The following TMEFF2 variants were observed in gnomAD, a reference collection of about 807,000 sequenced individuals.
TMEFF2 encodes transmembrane protein with EGF like and two follistatin like domains 2, also known as tomoregulin-2.
Under a neutral mutation model 53.8 loss-of-function variants are expected in TMEFF2, and 28 were observed. The ratio of observed to expected loss-of-function variants is 0.52; its 90% CI spans 0.39 to 0.71. TMEFF2 has a LOEUF of 0.71. Ranked by LOEUF, TMEFF2 falls within the 30% of genes least tolerant of loss-of-function variation. The probability of loss-of-function intolerance (pLI) is 0.00; values close to 1 mark genes in which losing one functional copy is unlikely to be tolerated. For synonymous variants in TMEFF2, 162 were observed against 166.3 expected (o/e 0.97, Z 0.20); for missense variants, 353 against 455.2 (o/e 0.78, Z 2.04).
At chr2:191,989,798 C>T (rs1686059762) in intron 7 of TMEFF2, among the ~76,000 whole-genome samples, 1 of 152,200 alleles carries the variant, frequency 6.6e-6, no homozygotes, top group Non-Finnish European at 1.5e-5. Context: ...TTCTCTGCCC[C>T]CCAACTTCCA....
chr2:191,997,038 T>C (rs1686239490), intron 7 of TMEFF2, among the ~76,000 whole-genome samples: 1 of 151,960 alleles, frequency 6.6e-6, no homozygotes, highest in Admixed American at 6.6e-5. Flanking sequence ...ATAAGAGCTG[T>C]GAGAAGTTCT....
At chr2:191,977,752 CTT>C (rs1482557322) in intron 7 of TMEFF2, among the ~76,000 whole-genome samples, 1 of 152,124 alleles carries the variant, frequency 6.6e-6, no homozygotes, top group Non-Finnish European at 1.5e-5. Context: ...TATCTCATCT[CTT>C]AGAAACAGAG....
intron 4 of TMEFF2, among the ~76,000 whole-genome samples, chr2:192,159,172 G>A (rs752169005): frequency 2.0e-5 from 3 of 152,076 alleles, no homozygotes; most frequent in Non-Finnish European, 2.9e-5. Flanking sequence ...ATGGGGAATC[G>A]CAGGCACAAT....
chr2:192,103,788 G>A (rs1486088616), intron 4 of TMEFF2, among the ~76,000 whole-genome samples: 1 of 151,908 alleles, frequency 6.6e-6, no homozygotes, highest in East Asian at 1.9e-4. Flanking sequence ...GTATGTCTTT[G>A]TTTTATATGC....
chr2:192,154,735 T>C (rs1395234734), intron 4 of TMEFF2, among the ~76,000 whole-genome samples: 1 of 151,952 alleles, frequency 6.6e-6, no homozygotes, highest in Non-Finnish European at 1.5e-5. Flanking sequence ...TGTGCTTAGA[T>C]TCCACCTCCA....
At chr2:192,058,944 G>A (rs1687979734) in intron 4 of TMEFF2, among the ~76,000 whole-genome samples, 1 of 151,474 alleles carries the variant, frequency 6.6e-6, no homozygotes, top group Non-Finnish European at 1.5e-5. Flanking sequence ...TACTTATTTA[G>A]TTTTAATATG....
At chr2:192,002,752 C>T (rs542988770) in intron 5 of TMEFF2, among the ~76,000 whole-genome samples, 7 of 152,196 alleles carry the variant, frequency 4.6e-5, no homozygotes, top group Admixed American at 1.3e-4. Context: ...ATCACTTGAA[C>T]GGGGGAGGCG....
chr2:191,986,880 G>C (rs1001183723), intron 7 of TMEFF2, among the ~76,000 whole-genome samples: 1 of 131,522 alleles, frequency 7.6e-6, no homozygotes, highest in Non-Finnish European at 1.6e-5. Context: ...AAAAAAAAAA[G>C]TGTGTTTGAA....
chr2:192,104,850 G>A (rs1001093047), intron 4 of TMEFF2, among the ~76,000 whole-genome samples: 10 of 151,860 alleles, frequency 6.6e-5, no homozygotes, highest in African/African-American at 2.2e-4. Context: ...TGAACATTTC[G>A]AATCTTGACA....
chr2:192,186,518 A>G (rs940771886), intron 2 of TMEFF2, among the ~76,000 whole-genome samples: 2 of 152,166 alleles, frequency 1.3e-5, no homozygotes, highest in African/African-American at 2.4e-5. Flanking sequence ...TATGAACACT[A>G]CAGTGGTGTC....
chr2:192,130,381 G>A (rs943932156), intron 4 of TMEFF2, among the ~76,000 whole-genome samples: 2 of 152,006 alleles, frequency 1.3e-5, no homozygotes, highest in Non-Finnish European at 2.9e-5. Context: ...ACCTTAGAAA[G>A]AGTATGTCAG....
chr2:192,010,879 C>T (rs1189865561), intron 5 of TMEFF2, among the ~76,000 whole-genome samples: 1 of 152,138 alleles, frequency 6.6e-6, no homozygotes, highest in Non-Finnish European at 1.5e-5. Flanking sequence ...AGGTGGTCTC[C>T]CTGGTGCCTT....
At chr2:192,159,527 C>T (rs914589921) in intron 4 of TMEFF2, among the ~76,000 whole-genome samples, 5 of 152,096 alleles carry the variant, frequency 3.3e-5, no homozygotes, top group Non-Finnish European at 5.9e-5. Flanking sequence ...TTTTTAATGA[C>T]TTCATATTCA....
At chr2:192,192,035 T>C (rs982204618) in intron 1 of TMEFF2, 46 bp from the exon 2 acceptor site, 4 of 1,356,364 alleles carry the variant, frequency 2.9e-6, no homozygotes, top group African/African-American at 2.9e-5. Context: ...ATCTTACAGA[T>C]TTTTAACAAA....
At chr2:191,980,180 T>G (rs1685821823) in intron 7 of TMEFF2, among the ~76,000 whole-genome samples, 1 of 152,084 alleles carries the variant, frequency 6.6e-6, no homozygotes. Context: ...AATAAAAAGG[T>G]AAAAGCATAA....
chr2:192,161,931 T>C (rs562617220), intron 4 of TMEFF2, among the ~76,000 whole-genome samples: 1 of 152,316 alleles, frequency 6.6e-6, no homozygotes, highest in South Asian at 2.1e-4. Context: ...GATGAGATGC[T>C]TGATGTTCAC....
At chr2:192,183,922 A>G (rs774210164) in intron 3 of TMEFF2, among the ~76,000 whole-genome samples, 6 of 152,106 alleles carry the variant, frequency 3.9e-5, no homozygotes, top group African/African-American at 7.2e-5. Context: ...CTAAGATTAG[A>G]CGTCAACTTC....
intron 5 of TMEFF2, among the ~76,000 whole-genome samples, chr2:192,008,711 A>G (rs1304977213): frequency 3.9e-5 from 6 of 152,222 alleles, no homozygotes; most frequent in Admixed American, 2.6e-4. Flanking sequence ...ATCATGTGGT[A>G]GACTAGATTC....
intron 4 of TMEFF2, among the ~76,000 whole-genome samples, chr2:192,083,891 T>A (rs1344715628): frequency 6.6e-6 from 1 of 151,858 alleles, no homozygotes; most frequent in Non-Finnish European, 1.5e-5. Flanking sequence ...GTAAAAGGGG[T>A]CTTAGAAAAG....
Sources: allele counts gnomAD v4.1 joint callset (sites outside exome capture counted in the v4.1 genomes callset), GRCh38; gene constraint gnomAD v4.1.1; transcripts MANE v1.5; gene names NCBI Gene and HGNC (gene_info 2026-07-23, HGNC 2026-07-21).